The following SLC26A4 variants were observed in gnomAD, a reference collection of about 807,000 sequenced individuals.
SLC26A4 encodes the protein solute carrier family 26 member 4, also known as pendrin.
Under a neutral mutation model 90.4 loss-of-function variants are expected in SLC26A4, and 93 were observed. The ratio of observed to expected loss-of-function variants is 1.03; its 90% CI spans 0.87 to 1.22. The LOEUF (loss-of-function observed/expected upper bound fraction) is 1.22. Among genes scored for constraint, SLC26A4 ranks in the 50% most tolerant of loss-of-function variants. SLC26A4 has a pLI of 0.00. For synonymous variants in SLC26A4, 393 were observed against 354.6 expected, an observed-to-expected ratio of 1.11 and a Z score of -1.22; for missense variants, 1,127 against 946.2, an observed-to-expected ratio of 1.19 and a Z score of -2.51.
Position 107,694,388 on chromosome 7 carries a change from G to A in SLC26A4, c.1264-15G>A, listed in dbSNP as rs996058305. 1.4e-5 allele frequency: 23 copies of A among 1,603,110 alleles called. No individual in the cohort carries two copies. The highest frequency in any genetic ancestry group is 1.9e-5 in the Non-Finnish European group (22 of 1,170,266). On this transcript the variant is annotated splice_polypyrimidine_tract_variant and intron_variant, in intron 10 of 20. Coordinates refer to ENST00000644269, the MANE Select transcript of SLC26A4 (RefSeq NM_000441.2). ...GAAGGACGAATCCTTTTCATAGGAG[G>A]TGTGTGTCTTCCAGGTTGCTGGCAT...
At chr7:107,692,296 G>A (rs1198897829) in intron 10 of SLC26A4, among the ~76,000 whole-genome samples, 1 of 152,210 alleles carries the variant, frequency 6.6e-6, no homozygotes, top group Non-Finnish European at 1.5e-5. Flanking sequence ...CTAAGTGCCT[G>A]AACTGAAATC....
At chr7:107,682,650 T>G (rs2129314308) in intron 6 of SLC26A4, among the ~76,000 whole-genome samples, 1 of 151,536 alleles carries the variant, frequency 6.6e-6, no homozygotes, top group Non-Finnish European at 1.5e-5. Flanking sequence ...AAAAGAAAGC[T>G]AGAAAGAAAG....
intron 17 of SLC26A4, among the ~76,000 whole-genome samples, chr7:107,703,267 A>G (rs1791949084): frequency 6.6e-6 from 1 of 152,218 alleles, no homozygotes; most frequent in South Asian, 2.1e-4. Flanking sequence ...AGGGTCAGGC[A>G]GAAAAGTAAG....
In SLC26A4 at chr7:107,661,282, G is replaced by C. The variant is rs1302485567; in HGVS notation, c.-3-357G>C. ...CTTTGGCCCCTGCCCCAGCCCCTCG[G>C]TTTGGGGGAGATTTCAGAACGCGGA... On this transcript the variant is annotated intron_variant, in intron 1 of 20. Transcript: ENST00000644269. The surrounding 1 kb of genome is among the most constrained non-coding windows in gnomAD (Gnocchi z 5.1). 2 of 376,816 alleles carry C rather than the reference G, an allele frequency of 5.3e-6. No homozygotes were observed. The highest frequency in any genetic ancestry group is 1.3e-4 in the East Asian group (2 of 15,636). 23.3% of individuals were successfully genotyped at this position (376,816 alleles called of 1,614,324 possible). A position where few individuals can be genotyped will look rare whatever the true frequency, so the allele number is the denominator to read the frequency against.
At chr7:107,674,444 A>G (rs897018559) in intron 5 of SLC26A4, 96 bp downstream of exon 5, 1 of 1,073,270 alleles carries the variant, frequency 9.3e-7, no homozygotes, top group Non-Finnish European at 1.4e-6. Flanking sequence ...AAAACAAAAC[A>G]AAGTAATTTC....
At position 107,682,345 on chromosome 7, in the gene SLC26A4, G is replaced by GA. The variant is rs758793932; in HGVS notation, c.766-850dup. On this transcript the variant is annotated intron_variant, in intron 6 of 20. Coordinates refer to ENST00000644269, the MANE Select transcript of SLC26A4 (RefSeq NM_000441.2). ...AAGTATAATTTAAAAACAAAAAACA[G>GA]AAAAAAACTACAGATTCAATTCAGC... Among the ~76,000 whole-genome samples the GA allele has an allele frequency of 4.0e-5, 6 of 150,662 alleles. No homozygotes were observed. In the East Asian group the frequency reaches 1.2e-3, roughly 29 times the overall value.
At chr7:107,700,283 C>T (rs570689544) in intron 15 of SLC26A4, 108 bp downstream of exon 15, 7 of 697,304 alleles carry the variant, frequency 1.0e-5, no homozygotes, top group East Asian at 8.0e-5. Context: ...GACCCTCTTC[C>T]CTTTGTGTAG....
At chr7:107,705,554 G>A (rs569664178) in intron 18 of SLC26A4, among the ~76,000 whole-genome samples, 2 of 152,164 alleles carry the variant, frequency 1.3e-5, no homozygotes, top group African/African-American at 2.4e-5. Context: ...AGTACCTGAT[G>A]TATTTATATA....
In SLC26A4 at chr7:107,716,219, T is replaced by C. The variant is rs1440556715; in HGVS notation, c.*773T>C. 1 of 152,242 alleles carries C rather than the reference T, an allele frequency of 6.6e-6. No individual in the cohort carries two copies. Among genetic ancestry groups the C allele is most frequent in the African/African-American group, 2.4e-5 (1 of 41,466 alleles). 9.4% of individuals were successfully genotyped at this position (152,242 alleles called of 1,614,324 possible). ...GATTATTTTGTTTAAAAATGCAGTT[T>C]TAATTATCTTAGTCTATAGAAATGA... On this transcript the variant is annotated 3_prime_UTR_variant, in exon 21 of 21. Transcript: ENST00000644269.
In SLC26A4 at chr7:107,695,931, A is replaced by G. The variant is rs1057516717; in HGVS notation, c.1438-2A>G. ...TCTTTTCATTTCTATTTTTTTCCCT[A>G]GGTTATCTGGGTGTTTACGTGTATA... On this transcript the variant is annotated splice_acceptor_variant, in intron 12 of 20. Coordinates refer to ENST00000644269, the MANE Select transcript of SLC26A4 (RefSeq NM_000441.2). LOFTEE classifies it high-confidence loss of function. The G allele has an allele frequency of 6.6e-7, 1 of 1,517,254 alleles. No homozygotes were observed. The highest frequency in any genetic ancestry group is 2.3e-5 in the East Asian group (1 of 44,406). 94.0% of individuals were successfully genotyped at this position (1,517,254 alleles called of 1,614,324 possible). A position where few individuals can be genotyped will look rare whatever the true frequency, so the allele number is the denominator to read the frequency against.
chr7:107,690,315 T>A, intron 10 of SLC26A4, 78 bp downstream of exon 10: 2 of 889,554 alleles, frequency 2.2e-6, no homozygotes, highest in Non-Finnish European at 3.8e-6. Flanking sequence ...CGCACCGAGC[T>A]TAGCAGGACA....
chr7:107,708,042 T>C (rs1340915574), intron 18 of SLC26A4, among the ~76,000 whole-genome samples: 1 of 152,212 alleles, frequency 6.6e-6, no homozygotes, highest in Non-Finnish European at 1.5e-5. Flanking sequence ...GCCAGTTACC[T>C]GGAAGAGAAA....
chr7:107,673,490 T>C (rs999253628), intron 4 of SLC26A4, among the ~76,000 whole-genome samples: 2 of 151,842 alleles, frequency 1.3e-5, no homozygotes, highest in Admixed American at 1.3e-4. Flanking sequence ...TTATATGAAA[T>C]AAAAGTTGAG....
rs1398943499 is a variant in SLC26A4 at position 107,683,273 on chromosome 7, T to G, written c.837T>G (p.Ile279Met). The change falls in exon 7 of 21, where the codon ATT becomes ATG. Residue 279 changes from isoleucine to methionine, a missense_variant. Transcript: ENST00000644269. ...ATTTCACTGCTGGATTGCTCACCAT[T>G]GTCGTCTGTATGGCAGTTAAGGAAT... ...LADFTAGLLTIVVCMAVKELN... is the reference protein window; with the variant it reads ...LADFTAGLLTMVVCMAVKELN... The G allele has an allele frequency of 6.2e-7, 1 of 1,613,482 alleles. No individual in the cohort carries two copies.
intron 6 of SLC26A4, among the ~76,000 whole-genome samples, chr7:107,679,852 T>C (rs1275826779): frequency 1.2e-5 from 1 of 84,394 alleles, no homozygotes; most frequent in Non-Finnish European, 2.2e-5. Context: ...TAATCTTATA[T>C]TATTATATTA....
chr7:107,691,912 G>A (rs1584327255), intron 10 of SLC26A4: 1 of 1,284,350 alleles, frequency 7.8e-7, no homozygotes, highest in Non-Finnish European at 1.0e-6. Flanking sequence ...ATTTCAGGCT[G>A]CAGCTGTCAG....
At chr7:107,671,269 C>A (rs1790858902) in intron 3 of SLC26A4, among the ~76,000 whole-genome samples, 1 of 152,046 alleles carries the variant, frequency 6.6e-6, no homozygotes, top group African/African-American at 2.4e-5. Context: ...CTCAAACAAT[C>A]CTCCTGCCTC....
chr7:107,674,420 T>C, intron 5 of SLC26A4, 72 bp downstream of exon 5: 1 of 1,170,096 alleles, frequency 8.5e-7, no homozygotes, highest in Non-Finnish European at 1.3e-6. Context: ...CATATAGACT[T>C]AAAGATTCTA....
intron 2 of SLC26A4, 151 bp from the exon 3 acceptor site, chr7:107,663,145 A>G (rs1336053385): frequency 2.3e-6 from 2 of 875,886 alleles, no homozygotes; most frequent in South Asian, 1.4e-5. Context: ...AAAGCATGGT[A>G]AGCACTTCAG....
Sources: gnomAD v4.1 joint callset for allele counts (sites outside exome capture counted in the v4.1 genomes callset) on GRCh38, gnomAD v4.1.1 for gene constraint, Gnocchi (gnomAD v3.1) non-coding constraint, MANE v1.5 for transcripts, NCBI Gene and HGNC (gene_info 2026-07-23, HGNC 2026-07-21) for gene names.